Variants in GAB3 observed in about 807,000 individuals in gnomAD.
The protein encoded by GAB3 is GRB2 associated binding protein 3.
Under a neutral mutation model 40.4 loss-of-function variants are expected in GAB3, and 12 were observed. The observed-to-expected ratio is 0.30, with a 90% CI of 0.19 to 0.48. GAB3 has a LOEUF of 0.48. GAB3 is among the 20% of genes least tolerant of loss of function. The probability of loss-of-function intolerance (pLI) is 0.99; values close to 1 mark genes in which losing one functional copy is unlikely to be tolerated. For synonymous variants in GAB3, 154 were observed against 176.7 expected (o/e 0.87, Z 1.02); for missense variants, 381 against 461.9 (o/e 0.82, Z 1.61).
intron 4 of GAB3, among the ~76,000 whole-genome samples, chrX:154,704,673 G>A (rs1217496357): frequency 9.0e-6 from 1 of 111,621 alleles, no homozygotes; most frequent in Non-Finnish European, 1.9e-5. Flanking sequence ...AGACTAAGTG[G>A]TTTAGTCACT....
At chrX:154,689,033 C>T (rs1041116339) in intron 8 of GAB3, among the ~76,000 whole-genome samples, 3 of 110,712 alleles carry the variant, frequency 2.7e-5, no homozygotes, top group Admixed American at 9.6e-5. Flanking sequence ...ACTGGCAAAA[C>T]GAATCCAGCA....
intron 6 of GAB3, 83 bp downstream of exon 6, chrX:154,699,211 C>A: frequency 1.2e-6 from 1 of 827,485 alleles, no homozygotes; most frequent in Non-Finnish European, 1.8e-6. Flanking sequence ...TTCTCTAGGT[C>A]TTCCTTTACA....
At chrX:154,750,603 C>G (rs1370838150) in intron 1 of GAB3, among the ~76,000 whole-genome samples, 1 of 112,320 alleles carries the variant, frequency 8.9e-6, no homozygotes, top group Non-Finnish European at 1.9e-5. Flanking sequence ...AGAGCCACCC[C>G]CAGCCAAAGA....
intron 1 of GAB3, among the ~76,000 whole-genome samples, chrX:154,747,179 T>G (rs917373015): frequency 4.5e-5 from 5 of 111,858 alleles, no homozygotes; most frequent in African/African-American, 6.5e-5. Context: ...CTAATTTTTT[T>G]TGTGTTTTTA....
At chrX:154,749,181 C>T (rs1173856708) in intron 1 of GAB3, among the ~76,000 whole-genome samples, 1 of 111,722 alleles carries the variant, frequency 9.0e-6, no homozygotes, top group Non-Finnish European at 1.9e-5. Context: ...TGCCACATCC[C>T]CTAAAGGAAT....
intron 1 of GAB3, among the ~76,000 whole-genome samples, chrX:154,732,420 G>T (rs781833483): frequency 1.8e-5 from 2 of 111,224 alleles, no homozygotes; most frequent in East Asian, 5.6e-4. Flanking sequence ...TGCCTAACAG[G>T]GACTCAGTAA....
Position 154,695,898 on chromosome X carries a change from G to A in GAB3, c.1530+19C>T. 9.9e-7 allele frequency: 1 copy of A among 1,013,209 alleles called. No homozygotes were observed. The highest frequency in any genetic ancestry group is 1.4e-6 in the Non-Finnish European group (1 of 720,015). The allele number at this position is 1,013,209 out of a possible 1,213,427, so 83.5% of individuals were successfully genotyped here. On this transcript the variant is annotated intron_variant, in intron 8 of 9. Coordinates refer to ENST00000424127, the MANE Select transcript of GAB3 (RefSeq NM_001081573.3). ...GATTGGGGTGAAGGATAAGAAGAGT[G>A]TGAAAAATATAAGATTACCATTTCG...
intron 4 of GAB3, among the ~76,000 whole-genome samples, chrX:154,706,370 C>T (rs1243081437): frequency 3.8e-5 from 4 of 106,432 alleles, no homozygotes; most frequent in Non-Finnish European, 7.7e-5. Flanking sequence ...GAGCCAAGAT[C>T]GCACCACTGC....
intron 8 of GAB3, among the ~76,000 whole-genome samples, chrX:154,691,202 G>T (rs2070557688): frequency 2.0e-5 from 2 of 98,394 alleles, no homozygotes; most frequent in South Asian, 1.0e-3. Context: ...CTCACTCATA[G>T]ATGGGAATTG....
At chrX:154,700,233 C>CAATG (rs1256066675) in intron 4 of GAB3, among the ~76,000 whole-genome samples, 174 bp from the exon 5 acceptor site, 1 of 111,361 alleles carries the variant, frequency 9.0e-6, no homozygotes, top group Admixed American at 9.5e-5. Flanking sequence ...AGTTTCTAGC[C>CAATG]AATGGTTTGA....
chrX:154,738,955 T>C (rs1276663169), intron 1 of GAB3, among the ~76,000 whole-genome samples: 3 of 111,570 alleles, frequency 2.7e-5, no homozygotes, highest in Admixed American at 1.9e-4. Flanking sequence ...ATGGATCCTT[T>C]CTTTTCCAGT....
intron 8 of GAB3, among the ~76,000 whole-genome samples, chrX:154,684,415 A>AT (rs1165074745): frequency 3.6e-5 from 4 of 109,988 alleles, no homozygotes; most frequent in East Asian, 2.8e-4. Context: ...TCAATTTCTG[A>AT]TTTTTTTTTA....
chrX:154,696,066 C>T (rs2070651570), intron 7 of GAB3, 47 bp from the exon 8 acceptor site: 1 of 782,351 alleles, frequency 1.3e-6, no homozygotes, highest in Non-Finnish European at 1.9e-6. Context: ...CTTACAGCTG[C>T]TCTGAAAGCT....
In GAB3 at chrX:154,735,291, C is replaced by T. The variant is rs781838747; in HGVS notation, c.72+15663G>A. ...ACATAAGCCCCTCCACCCCAGTCTA[C>T]GCTTATATTTTGGCAATCTCCGCAC... On this transcript the variant is annotated intron_variant, in intron 1 of 9. Transcript: ENST00000424127. 4.4e-5 allele frequency among the ~76,000 whole-genome samples: 5 copies of T among 112,393 alleles called. No individual in the cohort carries two copies. In the South Asian group the frequency reaches 1.8e-3, roughly 41 times the overall value.
At chrX:154,710,983 G>A (rs782342918) in intron 4 of GAB3, among the ~76,000 whole-genome samples, 3 of 112,030 alleles carry the variant, frequency 2.7e-5, no homozygotes, top group African/African-American at 9.7e-5. Context: ...ACACATGTTA[G>A]CATATCCAGA....
At position 154,712,569 on chromosome X, in the gene GAB3, A is replaced by C; in HGVS notation, c.729T>G (p.Ser243Arg). 1.7e-6 allele frequency: 2 copies of C among 1,171,780 alleles called. No individual in the cohort carries two copies. Among genetic ancestry groups the C allele is most frequent in the Non-Finnish European group, 2.3e-6 (2 of 876,300 alleles). Residue 243 changes from serine to arginine, a missense_variant, in exon 4 of 10, where the codon AGT (serine) becomes AGG (arginine). This residue lies in a region of GAB3 where 364 missense variants were observed against 421.0 expected (regional missense o/e 0.86). Coordinates refer to ENST00000424127, the MANE Select transcript of GAB3 (RefSeq NM_001081573.3). ...SHLVHPSCHG[S>R]GAQEVPSSRP... ...TCGAGGATGGCACCTCCTGAGCTCC[A>C]CTGCCATGGCATGAGGGGTGGACCA... is the stretch of plus-strand genomic sequence containing the variant.
rs1416921095 is a variant in GAB3 at position 154,697,135 on chromosome X, G to T, written c.1424C>A (p.Pro475His). The T allele has an allele frequency of 8.3e-7, 1 of 1,204,943 alleles. No individual in the cohort carries two copies. Among genetic ancestry groups the T allele is most frequent in the Admixed American group, 2.2e-5 (1 of 45,847 alleles). ...HASLTRTRTV[P>H]CSRTSFLSPE... is the part of the protein sequence containing the mutation. ...TCTTTTGAGCAATCAGTCTTACCAAGGCACAGTGCGGGTCCTGGTAAGAGA... is the reference window on the plus strand; with the variant it reads ...TCTTTTGAGCAATCAGTCTTACCAATGCACAGTGCGGGTCCTGGTAAGAGA... The change falls in exon 7 of 10, where the codon CCT becomes CAT. Residue 475 changes from proline to histidine, a missense_variant. Physicochemically the swap from Pro to His is moderately conservative, Grantham distance 77. This residue lies in a region of GAB3 where 364 missense variants were observed against 421.0 expected (regional missense o/e 0.86). Transcript: ENST00000424127.
Position 154,679,201 on chromosome X carries a change from A to G in GAB3, c.1648-907T>C, listed in dbSNP as rs781960296. The G allele has an allele frequency of 2.6e-5, 9 of 340,095 alleles. No homozygotes were observed. The East Asian group carries it at 5.9e-4, about 22-fold the overall frequency. The allele number at this position is 340,095 out of a possible 1,213,427, so 28.0% of individuals were successfully genotyped here. A position where few individuals can be genotyped will look rare whatever the true frequency, so the allele number is the denominator to read the frequency against. On this transcript the variant is annotated intron_variant, in intron 9 of 9. Coordinates refer to ENST00000424127, the MANE Select transcript of GAB3 (RefSeq NM_001081573.3). ...AACAAAAAGGAAGTGACATGTTCCA[A>G]TCCTAAGGAGAAAGAGGTATTCTGT... is the stretch of plus-strand genomic sequence containing the variant.
At chrX:154,734,943 T>A (rs2071343789) in intron 1 of GAB3, among the ~76,000 whole-genome samples, 1 of 112,113 alleles carries the variant, frequency 8.9e-6, no homozygotes. Flanking sequence ...CTATGTTGAA[T>A]TACACATAAA....
Sources: allele counts gnomAD v4.1 joint callset (sites outside exome capture counted in the v4.1 genomes callset), GRCh38; gene constraint gnomAD v4.1.1; regional missense constraint gnomAD v4.1.1; transcripts MANE v1.5; gene names NCBI Gene and HGNC (gene_info 2026-07-23, HGNC 2026-07-21).